The following RBFOX1 variants were observed in gnomAD, a reference collection of about 807,000 sequenced individuals.
RBFOX1 encodes RNA binding protein fox-1 homolog 1.
A neutral mutation model predicts 57.7 loss-of-function variants in RBFOX1; 8 were observed. The ratio of observed to expected loss-of-function variants is 0.14; its 90% confidence interval spans 0.08 to 0.25. The LOEUF is 0.25. Among genes scored for constraint, RBFOX1 ranks in the 10% least tolerant of loss-of-function variants. RBFOX1 has a pLI of 1.00. For synonymous variants in RBFOX1, 326 were observed against 222.4 expected (o/e 1.47, Z -4.15); for missense variants, 611 against 548.5 (o/e 1.11, Z -1.14).
chr16:6,931,475 A>C (rs1013049459), intron 3 of RBFOX1, among the ~76,000 whole-genome samples: 1 of 152,190 alleles, frequency 6.6e-6, no homozygotes, highest in African/African-American at 2.4e-5. Context: ...GTATAATCCC[A>C]GAAGTAGAAC....
intron 1 of RBFOX1, among the ~76,000 whole-genome samples, chr16:6,186,186 C>G (rs769055279): frequency 6.6e-6 from 1 of 152,060 alleles, no homozygotes; most frequent in Non-Finnish European, 1.5e-5. Context: ...TGGTGAAGTG[C>G]TTTTTTTAAC....
chr16:5,270,691 TGA>T, intron 1 of RBFOX1: 1 of 522,708 alleles, frequency 1.9e-6, no homozygotes, highest in Non-Finnish European at 3.6e-6. Context: ...AATCATGACC[TGA>T]GATGTGCAGA....
At chr16:5,292,877 C>A (rs1163378719) in intron 1 of RBFOX1, among the ~76,000 whole-genome samples, 1 of 152,008 alleles carries the variant, frequency 6.6e-6, no homozygotes, top group Non-Finnish European at 1.5e-5. Context: ...TCCACCTCGG[C>A]CTCCCAAAGT....
chr16:5,426,368 T>C (rs933029008), intron 1 of RBFOX1, among the ~76,000 whole-genome samples: 6 of 152,162 alleles, frequency 3.9e-5, no homozygotes, highest in African/African-American at 9.7e-5. Flanking sequence ...TGGAAATGAA[T>C]AAATAATTTA....
intron 4 of RBFOX1, among the ~76,000 whole-genome samples, chr16:7,412,090 A>C (rs961018965): frequency 6.6e-5 from 10 of 152,082 alleles, no homozygotes; most frequent in Non-Finnish European, 1.3e-4. Context: ...ATGTATTCAT[A>C]GTGGTTCCTT....
intron 1 of RBFOX1, among the ~76,000 whole-genome samples, chr16:5,373,498 C>G (rs754905601): frequency 3.3e-5 from 5 of 152,118 alleles, no homozygotes; most frequent in Admixed American, 1.3e-4. Flanking sequence ...CCATGTAAGA[C>G]GCACCTGTTC....
Position 5,369,520 on chromosome 16 carries a change from G to T in RBFOX1, c.220-97696G>T, listed in dbSNP as rs148579584. On this transcript the variant is annotated intron_variant, in intron 1 of 2. Coordinates refer to the RBFOX1 transcript ENST00000585867. The stretch of plus-strand genomic sequence containing the variant: ...TCATTTAATGCTGAGGACGTTCTCC[G>T]TGGTACATGCTGCTATCCTCCCACT... 4.5e-3 allele frequency among the ~76,000 whole-genome samples: 685 copies of T among 152,322 alleles called. 14 individuals carry two copies. Among genetic ancestry groups the T allele is most frequent in the Admixed American group, 0.04 (617 of 15,304 alleles).
intron 1 of RBFOX1, among the ~76,000 whole-genome samples, chr16:5,446,293 C>T (rs11647784): frequency 0.024 from 3,718 of 152,004 alleles, 52 homozygotes; most frequent in Middle Eastern, 0.044. Flanking sequence ...GCAGTGACCT[C>T]AAAACATGCA....
intron 3 of RBFOX1, among the ~76,000 whole-genome samples, chr16:6,739,703 C>T (rs1489516150): frequency 1.3e-5 from 2 of 152,004 alleles, no homozygotes; most frequent in Non-Finnish European, 2.9e-5. Context: ...ATGGTGAAAC[C>T]CCATCTCTAC....
At chr16:5,504,837 G>A (rs1489231553) in intron 2 of RBFOX1, among the ~76,000 whole-genome samples, 1 of 152,176 alleles carries the variant, frequency 6.6e-6, no homozygotes, top group Non-Finnish European at 1.5e-5. Flanking sequence ...CTGGCATGAG[G>A]GCTTGCTGAC....
chr16:5,741,737 T>C (rs919516453), intron 3 of RBFOX1, among the ~76,000 whole-genome samples: 1 of 152,198 alleles, frequency 6.6e-6, no homozygotes, highest in East Asian at 1.9e-4. Flanking sequence ...TTGTAACAGC[T>C]TCCACAAGGA....
chr16:5,523,954 G>A (rs1338173697), intron 2 of RBFOX1, among the ~76,000 whole-genome samples: 2 of 152,020 alleles, frequency 1.3e-5, no homozygotes, highest in East Asian at 1.9e-4. Flanking sequence ...CTCCCCCAGC[G>A]CTTGCCTCCT....
chr16:6,768,256 C>CT (rs533498650), intron 3 of RBFOX1, among the ~76,000 whole-genome samples: 39 of 151,952 alleles, frequency 2.6e-4, no homozygotes, highest in Middle Eastern at 3.4e-3. Flanking sequence ...ACTCCATATA[C>CT]TTTTTTTTCC....
rs1030912740 is a variant in RBFOX1 at position 5,787,368 on chromosome 16, G to T, written c.319-79935G>T. 2.0e-5 allele frequency among the ~76,000 whole-genome samples: 3 copies of T among 152,134 alleles called. No homozygotes were observed. The East Asian group carries it at 5.8e-4, about 29-fold the overall frequency. ...GACAGAAGACCAATGATGTTTCCTG[G>T]CAATGAAGTGAATAAAGACTTTATG... On this transcript the variant is annotated intron_variant, in intron 3 of 19. Coordinates refer to the RBFOX1 transcript ENST00000641259.
intron 2 of RBFOX1, among the ~76,000 whole-genome samples, chr16:6,520,880 G>C (rs28479603): frequency 6.6e-6 from 1 of 151,914 alleles, no homozygotes; most frequent in Non-Finnish European, 1.5e-5. Context: ...GTAGGCAGAC[G>C]TTGCTGAGAG....
intron 3 of RBFOX1, among the ~76,000 whole-genome samples, chr16:6,657,449 C>G (rs1878455459): frequency 6.6e-6 from 1 of 152,036 alleles, no homozygotes; most frequent in Admixed American, 6.6e-5. Flanking sequence ...CTCCATCCCC[C>G]TCCCTCTCTG....
intron 3 of RBFOX1, among the ~76,000 whole-genome samples, chr16:6,934,198 G>A (rs1257406754): frequency 1.3e-5 from 2 of 152,136 alleles, no homozygotes; most frequent in Admixed American, 1.3e-4. Context: ...TGCAGTTCCT[G>A]GTCTAGGGAT....
intron 1 of RBFOX1, among the ~76,000 whole-genome samples, chr16:6,102,395 A>G (rs2096323379): frequency 6.6e-6 from 1 of 152,182 alleles, no homozygotes; most frequent in Non-Finnish European, 1.5e-5. Flanking sequence ...ATATGATCAG[A>G]TTTAAGTTGG....
chr16:7,541,926 C>T (rs967916475), intron 5 of RBFOX1, among the ~76,000 whole-genome samples: 2 of 152,186 alleles, frequency 1.3e-5, no homozygotes, highest in Non-Finnish European at 2.9e-5. Context: ...GAGCAGATGC[C>T]AAGTTTCCCA....
Sources: allele counts gnomAD v4.1 joint callset (sites outside exome capture counted in the v4.1 genomes callset), GRCh38; gene constraint gnomAD v4.1.1; transcripts MANE v1.5; gene names NCBI Gene and HGNC (gene_info 2026-07-23, HGNC 2026-07-21).